ARHGEF38: variants seen among roughly 807,000 people sequenced by gnomAD.
ARHGEF38 encodes Rho guanine nucleotide exchange factor 38.
Under a neutral mutation model 79.9 loss-of-function variants are expected in ARHGEF38, and 79 were observed. That is an observed-to-expected ratio of 0.99 (90% CI 0.82 to 1.19). The LOEUF (loss-of-function observed/expected upper bound fraction) is 1.19. Ranked by LOEUF, ARHGEF38 falls within the 50% of genes most tolerant of loss-of-function variation. The pLI, the probability that ARHGEF38 is intolerant of heterozygous loss-of-function variation, is 0.00. For synonymous variants in ARHGEF38, 366 were observed against 328.3 expected, an observed-to-expected ratio of 1.11 and a Z score of -1.24; for missense variants, 962 against 907.2, an observed-to-expected ratio of 1.06 and a Z score of -0.78.
intron 3 of ARHGEF38, among the ~76,000 whole-genome samples, chr4:105,623,772 C>G (rs897684123): frequency 3.3e-5 from 5 of 152,200 alleles, no homozygotes; most frequent in African/African-American, 1.2e-4. Flanking sequence ...ATTAGTAACT[C>G]TGGACACTCT....
At chr4:105,554,409 A>G (rs1481799013) in intron 1 of ARHGEF38, among the ~76,000 whole-genome samples, 1 of 152,066 alleles carries the variant, frequency 6.6e-6, no homozygotes, top group Non-Finnish European at 1.5e-5. Flanking sequence ...CTTTATGTCC[A>G]TGTATGTCTA....
intron 1 of ARHGEF38, among the ~76,000 whole-genome samples, chr4:105,587,115 C>A (rs1373084193): frequency 6.6e-6 from 1 of 152,160 alleles, no homozygotes; most frequent in Admixed American, 6.5e-5. Flanking sequence ...ATCTGGGGCA[C>A]TGAGAGGCAG....
chr4:105,561,469 A>AATAGAATGGAATG lies in ARHGEF38; in HGVS notation c.196+8508_196+8509insATAGAATGGAATG. On this transcript the variant is annotated intron_variant, in intron 1 of 13. Coordinates refer to ENST00000420470, the MANE Select transcript of ARHGEF38 (RefSeq NM_001242729.2). The stretch of plus-strand genomic sequence containing the variant: ...AGAATGGAATAGAATAGAATAGAAT[A>AATAGAATGGAATG]GAATAGAATAGAATAGAATAGAATA... 4.0e-5 allele frequency: 2 copies of AATAGAATGGAATG among 49,684 alleles called. 1 individual carries two copies. Among genetic ancestry groups the AATAGAATGGAATG allele is most frequent in the South Asian group, 1.5e-3 (2 of 1,338 alleles). 3.1% of individuals were successfully genotyped at this position (49,684 alleles called of 1,614,324 possible). A position where few individuals can be genotyped will look rare whatever the true frequency, so the allele number is the denominator to read the frequency against.
At chr4:105,625,844 A>C (rs1405428146) in intron 3 of ARHGEF38, among the ~76,000 whole-genome samples, 1 of 152,170 alleles carries the variant, frequency 6.6e-6, no homozygotes, top group Admixed American at 6.5e-5. Context: ...CAACTTAGTC[A>C]ATCTTGGCAG....
Position 105,648,535 on chromosome 4 carries a change from T to G in ARHGEF38, c.875-14T>G. 6.7e-7 allele frequency: 1 copy of G among 1,493,060 alleles called. No homozygotes were observed. Among genetic ancestry groups the G allele is most frequent in the East Asian group, 2.5e-5 (1 of 40,622 alleles). 92.5% of individuals were successfully genotyped at this position (1,493,060 alleles called of 1,614,324 possible). ...GCATGTGTTCAGCTACGTTATTACA[T>G]TCTTCCTTTTCAGTTCTAAAATACA... On this transcript the variant is annotated splice_polypyrimidine_tract_variant and intron_variant, in intron 6 of 13. Transcript: ENST00000420470.
chr4:105,658,438 C>G (rs1381975067), intron 9 of ARHGEF38, among the ~76,000 whole-genome samples: 2 of 152,042 alleles, frequency 1.3e-5, no homozygotes, highest in Non-Finnish European at 2.9e-5. Flanking sequence ...CAAGTTACAA[C>G]TCTGTGGTCA....
chr4:105,571,816 T>C (rs1043091150), intron 1 of ARHGEF38, among the ~76,000 whole-genome samples: 1 of 152,180 alleles, frequency 6.6e-6, no homozygotes, highest in Admixed American at 6.5e-5. Context: ...AGAAATAATA[T>C]TGTTGTGACA....
chr4:105,666,174 T>C lies in ARHGEF38; in HGVS notation c.1546-3T>C. The C allele has an allele frequency of 1.3e-6, 2 of 1,517,848 alleles. No individual in the cohort carries two copies. The highest frequency in any genetic ancestry group is 1.8e-6 in the Non-Finnish European group (2 of 1,141,058). 94.0% of individuals were successfully genotyped at this position (1,517,848 alleles called of 1,614,324 possible). ...AACAATGCCATATTATTTCTACCTA[T>C]AGATGCCACTGTTGGTTTCAAGCAT... On this transcript the variant is annotated splice_polypyrimidine_tract_variant and splice_region_variant and intron_variant, in intron 10 of 13. Transcript: ENST00000420470.
chr4:105,561,428 TAGAATAGAATAGAATAGAATGGAATAGA>T (rs1725548186), intron 1 of ARHGEF38, among the ~76,000 whole-genome samples: 1 of 46,952 alleles, frequency 2.1e-5, no homozygotes, highest in East Asian at 4.9e-4. Flanking sequence ...TAGAATGGAA[TAGAATAGAATAGAATAGAATGGAATAGA>T]ATAGAATAGA....
At chr4:105,654,286 G>A (rs1397941091) in intron 8 of ARHGEF38, 117 bp downstream of exon 8, 12 of 588,062 alleles carry the variant, frequency 2.0e-5, no homozygotes, top group East Asian at 6.1e-5. Flanking sequence ...TTATGACACC[G>A]GATCAAAATT....
chr4:105,575,011 T>TAC (rs1346831303), intron 1 of ARHGEF38, among the ~76,000 whole-genome samples: 3 of 72,394 alleles, frequency 4.1e-5, no homozygotes, highest in African/African-American at 1.0e-4. Context: ...CACACACATA[T>TAC]ATACACACAC....
At chr4:105,606,321 C>T (rs1042264964) in intron 2 of ARHGEF38, among the ~76,000 whole-genome samples, 1 of 152,072 alleles carries the variant, frequency 6.6e-6, no homozygotes, top group East Asian at 1.9e-4. Flanking sequence ...GAAAGCAGTG[C>T]TGTTTATTTT....
chr4:105,640,685 T>G (rs1729582606), intron 5 of ARHGEF38, among the ~76,000 whole-genome samples: 1 of 152,178 alleles, frequency 6.6e-6, no homozygotes, highest in East Asian at 1.9e-4. Context: ...AAGTAAAATG[T>G]TAAGAACTTT....
intron 3 of ARHGEF38, among the ~76,000 whole-genome samples, chr4:105,624,996 G>A (rs746048977): frequency 2.0e-5 from 3 of 152,152 alleles, no homozygotes; most frequent in Non-Finnish European, 4.4e-5. Context: ...CCCCTTCTCT[G>A]TATTCTAAAT....
intron 9 of ARHGEF38, among the ~76,000 whole-genome samples, chr4:105,657,028 T>C (rs915452843): frequency 2.6e-5 from 4 of 151,444 alleles, no homozygotes; most frequent in African/African-American, 7.3e-5. Flanking sequence ...GATAGATAGA[T>C]GATAGATAGA....
chr4:105,666,669 A>T (rs1201955386), intron 11 of ARHGEF38, among the ~76,000 whole-genome samples: 1 of 152,142 alleles, frequency 6.6e-6, no homozygotes, highest in Admixed American at 6.6e-5. Context: ...GGCCCCAGAG[A>T]TAAGTGGGTT....
chr4:105,652,409 G>A (rs753018238), intron 7 of ARHGEF38, among the ~76,000 whole-genome samples: 4 of 152,164 alleles, frequency 2.6e-5, no homozygotes, highest in Non-Finnish European at 4.4e-5. Context: ...TCATTAACCA[G>A]GGTTATGAGA....
rs1333578819 is a variant in ARHGEF38, at chr4:105,680,473, A to C, written c.*2536A>C. On this transcript the variant is annotated 3_prime_UTR_variant, in exon 14 of 14. Coordinates refer to ENST00000420470, the MANE Select transcript of ARHGEF38 (RefSeq NM_001242729.2). ...AAATTCTAGTGGGGAAAACATCTGCACATAACAAACTAAATAAAATGATCA... is the reference window on the plus strand; with the variant it reads ...AAATTCTAGTGGGGAAAACATCTGCCCATAACAAACTAAATAAAATGATCA... 6.4e-6 allele frequency: 1 copy of C among 155,844 alleles called. No individual in the cohort carries two copies. The highest frequency in any genetic ancestry group is 1.4e-5 in the Non-Finnish European group (1 of 70,552). The allele number at this position is 155,844 out of a possible 1,614,324, so 9.7% of individuals were successfully genotyped here.
At chr4:105,646,132 G>A (rs1729829829) in intron 6 of ARHGEF38, among the ~76,000 whole-genome samples, 2 of 152,090 alleles carry the variant, frequency 1.3e-5, no homozygotes, top group Non-Finnish European at 2.9e-5. Flanking sequence ...CAGGACTTTA[G>A]AGCTAAATGG....
Sources: allele counts gnomAD v4.1 joint callset (sites outside exome capture counted in the v4.1 genomes callset), GRCh38; gene constraint gnomAD v4.1.1; transcripts MANE v1.5; gene names NCBI Gene and HGNC (gene_info 2026-07-23, HGNC 2026-07-21).